Variants in SRGAP3 observed in about 807,000 individuals in gnomAD.
SRGAP3 encodes SLIT-ROBO Rho GTPase-activating protein 3.
SRGAP3 carries 39 observed loss-of-function variants against 121.1 expected under a neutral mutation model. That is an observed-to-expected ratio of 0.32 (90% CI 0.25 to 0.42). The LOEUF is 0.42. Among genes scored for constraint, SRGAP3 ranks in the 10% least tolerant of loss-of-function variants. The pLI is 1.00. For synonymous variants in SRGAP3, 601 were observed against 570.0 expected (o/e 1.05, Z -0.77); for missense variants, 1,213 against 1,470.6 (o/e 0.82, Z 2.86).
intron 1 of SRGAP3, among the ~76,000 whole-genome samples, chr3:9,144,639 T>A (rs1016772569): frequency 2.6e-5 from 4 of 152,242 alleles, no homozygotes; most frequent in African/African-American, 9.6e-5. Context: ...TGCTTTTTGC[T>A]TCTTCCTCAT....
At chr3:9,122,471 A>T (rs907018923) in intron 2 of SRGAP3, among the ~76,000 whole-genome samples, 1 of 152,088 alleles carries the variant, frequency 6.6e-6, no homozygotes, top group African/African-American at 2.4e-5. Flanking sequence ...GCACTTTGGG[A>T]GGCCGAGGCG....
Position 8,990,571 on chromosome 3 carries a change from A to G in SRGAP3, c.2827T>C (p.Ser943Pro). The G allele has an allele frequency of 6.3e-7, 1 of 1,587,940 alleles. No individual in the cohort carries two copies. Residue 943 changes from serine to proline, a missense_variant, in exon 21 of 22, where the codon TCC becomes CCC. Ser to Pro is a moderately conservative substitution (Grantham distance 74). Around this residue, in one of 2 missense-constraint regions of SRGAP3, gnomAD observed 420 missense variants for 437.7 expected, o/e 0.96. Coordinates refer to ENST00000383836, the MANE Select transcript of SRGAP3 (RefSeq NM_014850.4). ...TCCCCTAGGCTGCTGTGCCTGGTGG[A>G]ACCGCAGGTCGACCTCATCGAGTGC... ...EGHSMRSTCG[S>P]TRHSSLGDHK... is the part of the protein sequence containing the mutation.
chr3:9,078,098 GTC>G (rs1289700484), intron 4 of SRGAP3, among the ~76,000 whole-genome samples: 1 of 152,206 alleles, frequency 6.6e-6, no homozygotes, highest in African/African-American at 2.4e-5. Flanking sequence ...GCGAGGTTTG[GTC>G]TGAGTTTGAA....
At chr3:9,061,760 G>T (rs942525530) in intron 5 of SRGAP3, among the ~76,000 whole-genome samples, 2 of 152,222 alleles carry the variant, frequency 1.3e-5, no homozygotes, top group South Asian at 4.1e-4. Context: ...CTGGATGGGA[G>T]AGGTGGGGTG....
intron 3 of SRGAP3, among the ~76,000 whole-genome samples, chr3:9,290,670 C>T (rs1162721729): frequency 2.0e-5 from 3 of 152,220 alleles, no homozygotes; most frequent in South Asian, 4.1e-4. Context: ...CAAGCTATAC[C>T]CCAAACCTAC....
chr3:9,133,167 C>T (rs115562221), intron 1 of SRGAP3, among the ~76,000 whole-genome samples: 1,811 of 151,780 alleles, frequency 0.012, 40 homozygotes, highest in African/African-American at 0.04. Flanking sequence ...GTGTTCTGTA[C>T]CTTATCTTTT....
intron 1 of SRGAP3, among the ~76,000 whole-genome samples, chr3:9,360,299 G>A (rs935316140): frequency 6.6e-6 from 1 of 152,102 alleles, no homozygotes; most frequent in Non-Finnish European, 1.5e-5. Context: ...GATGTTCCTT[G>A]ACTTACAATG....
intron 14 of SRGAP3, among the ~76,000 whole-genome samples, chr3:9,017,669 G>A (rs1943706588): frequency 6.6e-6 from 1 of 152,146 alleles, no homozygotes; most frequent in African/African-American, 2.4e-5. Context: ...GTAACGTTAT[G>A]ATGATGATTG....
intron 1 of SRGAP3, among the ~76,000 whole-genome samples, chr3:9,205,542 T>A (rs936368662): frequency 2.0e-5 from 3 of 152,206 alleles, no homozygotes; most frequent in African/African-American, 7.2e-5. Flanking sequence ...AGGACAGAGC[T>A]GAGACTCAAT....
intron 13 of SRGAP3, among the ~76,000 whole-genome samples, 175 bp from the exon 14 acceptor site, chr3:9,025,513 C>T (rs1944151912): frequency 6.6e-6 from 1 of 152,202 alleles, no homozygotes; most frequent in African/African-American, 2.4e-5. Context: ...TAAAGTACAG[C>T]TGGCCAAAAT....
intron 1 of SRGAP3, among the ~76,000 whole-genome samples, chr3:9,357,160 G>A (rs551486251): frequency 1.1e-3 from 172 of 152,026 alleles, no homozygotes; most frequent in Non-Finnish European, 1.9e-3. Flanking sequence ...TGGGAGAGTC[G>A]CTTGAGCCTG....
At chr3:9,299,797 C>T (rs952115486) in intron 3 of SRGAP3, among the ~76,000 whole-genome samples, 2 of 152,126 alleles carry the variant, frequency 1.3e-5, no homozygotes, top group Admixed American at 6.5e-5. Context: ...GTAATCCCTG[C>T]TACTCAGGAG....
At chr3:9,344,182 C>T (rs1254408643) in intron 1 of SRGAP3, among the ~76,000 whole-genome samples, 1 of 151,960 alleles carries the variant, frequency 6.6e-6, no homozygotes, top group Non-Finnish European at 1.5e-5. Context: ...TGGCTGGGCA[C>T]GGTGGCTCAC....
rs190231777 is a variant in SRGAP3, at chr3:9,141,598, G to T, written c.68-16681C>A. Among the ~76,000 whole-genome samples, 168 of 135,816 alleles carry T rather than the reference G, an allele frequency of 1.2e-3. 1 individual carries two copies. The highest frequency in any genetic ancestry group is 8.0e-3 in the Middle Eastern group (2 of 250). 89.1% of individuals were successfully genotyped at this position (135,816 alleles called of 152,430 possible). A position where few individuals can be genotyped will look rare whatever the true frequency, so the allele number is the denominator to read the frequency against. On this transcript the variant is annotated intron_variant, in intron 1 of 21. Coordinates refer to ENST00000383836, the MANE Select transcript of SRGAP3 (RefSeq NM_014850.4). ...TGTGTGTGTGTGTGTGTGTGTGTGT[G>T]TGTGTTCTTTTCTTTTTAACCTTGT...
intron 1 of SRGAP3, among the ~76,000 whole-genome samples, chr3:9,144,814 C>T (rs1028181564): frequency 1.3e-5 from 2 of 152,198 alleles, no homozygotes; most frequent in Non-Finnish European, 2.9e-5. Context: ...CTGTCTAACT[C>T]CTATTTATCT....
chr3:9,000,217 G>T (rs764552038), intron 18 of SRGAP3, among the ~76,000 whole-genome samples: 15 of 152,220 alleles, frequency 9.9e-5, no homozygotes, highest in South Asian at 4.1e-4. Context: ...GTGGAGTGGA[G>T]AGACCAGGGC....
At chr3:9,360,535 T>C (rs534211073) in intron 1 of SRGAP3, among the ~76,000 whole-genome samples, 3 of 152,298 alleles carry the variant, frequency 2.0e-5, no homozygotes, top group South Asian at 2.1e-4. Flanking sequence ...ACACTGCTGA[T>C]AGAGACATAC....
At chr3:9,350,560 G>T (rs555333785) in intron 1 of SRGAP3, among the ~76,000 whole-genome samples, 1 of 152,316 alleles carries the variant, frequency 6.6e-6, no homozygotes, top group Admixed American at 6.5e-5. Flanking sequence ...TTAGTGAAAA[G>T]TCTGAGTTGT....
chr3:8,994,121 C>A (rs1169041161), intron 19 of SRGAP3: 12 of 626,104 alleles, frequency 1.9e-5, no homozygotes, highest in Non-Finnish European at 3.1e-5. Flanking sequence ...CCAGAGGCAC[C>A]CAACACCGTT....
Sources: allele counts gnomAD v4.1 joint callset (sites outside exome capture counted in the v4.1 genomes callset), GRCh38; gene constraint gnomAD v4.1.1; regional missense constraint gnomAD v4.1.1; transcripts MANE v1.5; gene names NCBI Gene and HGNC (gene_info 2026-07-23, HGNC 2026-07-21).